The following RABGAP1L variants were observed in gnomAD, a reference collection of about 807,000 sequenced individuals.
The protein encoded by RABGAP1L is RAB GTPase activating protein 1 like.
RABGAP1L carries 63 observed loss-of-function variants against 137.7 expected under a neutral mutation model. That is an observed-to-expected ratio of 0.46 (90% CI 0.37 to 0.56). The LOEUF is 0.56. RABGAP1L is among the 20% of genes least tolerant of loss of function. RABGAP1L has a pLI of 0.00. For synonymous variants in RABGAP1L, 431 were observed against 433.7 expected (o/e 0.99, Z 0.08); for missense variants, 1,095 against 1,244.0 (o/e 0.88, Z 1.80).
At chr1:174,732,601 A>G (rs1289553063) in intron 17 of RABGAP1L, among the ~76,000 whole-genome samples, 1 of 152,230 alleles carries the variant, frequency 6.6e-6, no homozygotes, top group Non-Finnish European at 1.5e-5. Context: ...CAGTAACATG[A>G]AAAATTCAAC....
Position 174,994,075 on chromosome 1 carries a change from C to T in RABGAP1L, c.*4074C>T, listed in dbSNP as rs1037694790. 1 of 152,240 alleles carries T rather than the reference C, an allele frequency of 6.6e-6. No homozygotes were observed. Among genetic ancestry groups the T allele is most frequent in the Non-Finnish European group, 1.5e-5 (1 of 68,050 alleles). The allele number at this position is 152,240 out of a possible 1,614,324, so 9.4% of individuals were successfully genotyped here. On this transcript the variant is annotated 3_prime_UTR_variant, in exon 26 of 26. Coordinates refer to ENST00000681986, the MANE Select transcript of RABGAP1L (RefSeq NM_001366446.1). The stretch of plus-strand genomic sequence containing the variant: ...GTTTCCTACAACCAGATATAAAACT[C>T]TTTCTCGTCGCCATGCTGATAGTCA...
chr1:174,258,474 G>T (rs888931204), intron 7 of RABGAP1L, among the ~76,000 whole-genome samples: 1 of 152,034 alleles, frequency 6.6e-6, no homozygotes, highest in African/African-American at 2.4e-5. Flanking sequence ...TTTTTGGAGA[G>T]ATGGGGGTCT....
chr1:174,956,770 C>G (rs1321908182), intron 19 of RABGAP1L, among the ~76,000 whole-genome samples: 1 of 151,638 alleles, frequency 6.6e-6, no homozygotes, highest in Non-Finnish European at 1.5e-5. Flanking sequence ...GCCTCAGCCT[C>G]CAGAGTAGCT....
At chr1:174,671,489 C>T (rs887578886) in intron 14 of RABGAP1L, among the ~76,000 whole-genome samples, 1 of 152,132 alleles carries the variant, frequency 6.6e-6, no homozygotes, top group African/African-American at 2.4e-5. Flanking sequence ...ATTTCTTTTA[C>T]ATCTAATTTG....
chr1:174,877,315 CTG>C, intron 19 of RABGAP1L: 1 of 1,254,310 alleles, frequency 8.0e-7, no homozygotes, highest in Non-Finnish European at 1.1e-6. Context: ...CTAGCCAAGC[CTG>C]TGATAGCAGC....
intron 1 of RABGAP1L, among the ~76,000 whole-genome samples, chr1:174,199,100 C>T (rs547149422): frequency 3.3e-5 from 5 of 151,204 alleles, no homozygotes; most frequent in African/African-American, 9.7e-5. Context: ...AAGAGCAAAA[C>T]TCCATCTCGA....
At chr1:174,470,300 A>G (rs1255993093) in intron 13 of RABGAP1L, among the ~76,000 whole-genome samples, 2 of 152,178 alleles carry the variant, frequency 1.3e-5, no homozygotes, top group African/African-American at 4.8e-5. Flanking sequence ...AAAAAATGTA[A>G]TTTTACATAT....
At chr1:174,802,324 A>G (rs898140375) in intron 18 of RABGAP1L, among the ~76,000 whole-genome samples, 1 of 152,204 alleles carries the variant, frequency 6.6e-6, no homozygotes, top group African/African-American at 2.4e-5. Context: ...AGCATATGCT[A>G]GGCCAGATGC....
At chr1:174,877,384 G>C in intron 19 of RABGAP1L, 4 of 1,439,274 alleles carry the variant, frequency 2.8e-6, no homozygotes, top group East Asian at 2.9e-5. Context: ...CCACCCCCTC[G>C]AACTCAGGTG....
intron 13 of RABGAP1L, among the ~76,000 whole-genome samples, chr1:174,605,573 A>G (rs929023897): frequency 5.3e-5 from 8 of 152,178 alleles, no homozygotes; most frequent in African/African-American, 1.7e-4. Context: ...CACTTGTTCA[A>G]AATTTAATTG....
At chr1:174,738,368 C>G (rs964372558) in intron 17 of RABGAP1L, among the ~76,000 whole-genome samples, 10 of 152,148 alleles carry the variant, frequency 6.6e-5, no homozygotes, top group African/African-American at 2.4e-4. Flanking sequence ...GAATTCAGGC[C>G]TACTTGTATA....
chr1:174,925,876 GTTT>G (rs1427562681), intron 19 of RABGAP1L, among the ~76,000 whole-genome samples: 33,278 of 108,734 alleles, frequency 0.31, 7,625 homozygotes, highest in African/African-American at 0.63. Context: ...TTTTGTTTTT[GTTT>G]TTTTTTTGTG....
intron 5 of RABGAP1L, among the ~76,000 whole-genome samples, chr1:174,247,613 C>T (rs1192118937): frequency 6.6e-6 from 1 of 152,186 alleles, no homozygotes; most frequent in South Asian, 2.1e-4. Context: ...TGCCCTTGCC[C>T]CACATGTTCC....
chr1:174,278,503 A>G (rs2148677106), intron 9 of RABGAP1L, 110 bp from the exon 10 acceptor site: 1 of 774,296 alleles, frequency 1.3e-6, no homozygotes, highest in Non-Finnish European at 2.1e-6. Context: ...TAAACATAGA[A>G]GGTATTACAA....
At chr1:174,763,837 C>CAA (rs570110788) in intron 18 of RABGAP1L, among the ~76,000 whole-genome samples, 91 of 81,072 alleles carry the variant, frequency 1.1e-3, no homozygotes, top group South Asian at 2.8e-3. Context: ...GACTCCGTCT[C>CAA]AAAAAAAAAA....
chr1:174,505,101 T>C (rs1661692347), intron 13 of RABGAP1L, among the ~76,000 whole-genome samples: 1 of 152,132 alleles, frequency 6.6e-6, no homozygotes, highest in African/African-American at 2.4e-5. Context: ...AGCAGGTATA[T>C]AAAAAAATGT....
chr1:174,675,711 C>T (rs1677571170), intron 14 of RABGAP1L, among the ~76,000 whole-genome samples: 1 of 152,092 alleles, frequency 6.6e-6, no homozygotes, highest in Non-Finnish European at 1.5e-5. Flanking sequence ...ATTGCCATTA[C>T]CTGGTTCTTA....
At chr1:174,475,754 G>A in intron 13 of RABGAP1L, among the ~76,000 whole-genome samples, 1 of 108,636 alleles carries the variant, frequency 9.2e-6, no homozygotes, top group Admixed American at 1.4e-4. Flanking sequence ...CTGAGTGACA[G>A]ACTGAGACCC....
chr1:174,247,952 T>C (rs957917980), intron 5 of RABGAP1L, among the ~76,000 whole-genome samples: 4 of 150,646 alleles, frequency 2.7e-5, no homozygotes, highest in African/African-American at 7.3e-5. Context: ...CAAAACTAAA[T>C]ATACACTGAA....
Sources: allele counts gnomAD v4.1 joint callset (sites outside exome capture counted in the v4.1 genomes callset), GRCh38; gene constraint gnomAD v4.1.1; transcripts MANE v1.5; gene names NCBI Gene and HGNC (gene_info 2026-07-23, HGNC 2026-07-21).